The following SLC2A14 variants were observed in gnomAD, a reference collection of about 807,000 sequenced individuals.
SLC2A14 encodes solute carrier family 2 member 14.
Under a neutral mutation model 43.0 loss-of-function variants are expected in SLC2A14, and 13 were observed. That is an observed-to-expected ratio of 0.30 (90% CI 0.20 to 0.48). SLC2A14 has a LOEUF of 0.48. SLC2A14 is among the 20% of genes least tolerant of loss of function. The probability of loss-of-function intolerance (pLI) is 0.99; values close to 1 mark genes in which losing one functional copy is unlikely to be tolerated. For missense variants in SLC2A14, 428 were observed against 620.4 expected (o/e 0.69, Z 3.29); for synonymous variants, 190 against 233.8 (o/e 0.81, Z 1.71).
At chr12:7,881,089 A>AG in intron 1 of SLC2A14, among the ~76,000 whole-genome samples, 1 of 152,142 alleles carries the variant, frequency 6.6e-6, no homozygotes, top group Non-Finnish European at 1.5e-5. Context: ...CAGTAAGCCG[A>AG]AATCGCACTG....
In SLC2A14 at chr12:7,872,752, G is replaced by GC. The variant is rs893144326; in HGVS notation, c.-58+54dup. On this transcript the variant is annotated intron_variant, in intron 1 of 10. Coordinates refer to ENST00000431042, the MANE Select transcript of SLC2A14 (RefSeq NM_001286234.2). ...CTCTAGCTCGGCCACCTCTACCCCA[G>GC]CTCAGGTCCTCATTCCCGCACCCCC... The GC allele has an allele frequency of 3.8e-5, 37 of 984,536 alleles. No homozygotes were observed. In the African/African-American group the frequency reaches 6.5e-4, roughly 17 times the overall value. 61.0% of individuals were successfully genotyped at this position (984,536 alleles called of 1,614,324 possible).
At chr12:7,884,068 C>T (rs1452832280) in intron 1 of SLC2A14, among the ~76,000 whole-genome samples, 4 of 150,568 alleles carry the variant, frequency 2.7e-5, no homozygotes, top group East Asian at 1.9e-4. Flanking sequence ...GGACTACAGG[C>T]GCCTGCCACC....
In SLC2A14 at chr12:7,842,724, T is replaced by C. The variant is rs1029711035; in HGVS notation, c.19-9910A>G. On this transcript the variant is annotated intron_variant, in intron 2 of 10. Coordinates refer to ENST00000431042, the MANE Select transcript of SLC2A14 (RefSeq NM_001286234.2). ...TCACATCTACTCTTTCTTTTTCTCT[T>C]TTTTTTTTTTTTGTTTTTTTTGTGA... Among the ~76,000 whole-genome samples, 41 of 106,680 alleles carry C rather than the reference T, an allele frequency of 3.8e-4. 1 individual carries two copies. The highest frequency in any genetic ancestry group is 1.4e-3 in the African/African-American group (39 of 28,830). 70.0% of individuals were successfully genotyped at this position (106,680 alleles called of 152,430 possible). A position where few individuals can be genotyped will look rare whatever the true frequency, so the allele number is the denominator to read the frequency against.
At chr12:7,849,987 A>G (rs1866790589) in intron 2 of SLC2A14, among the ~76,000 whole-genome samples, 1 of 151,772 alleles carries the variant, frequency 6.6e-6, no homozygotes, top group South Asian at 2.1e-4. Context: ...CCCTGACCTC[A>G]AAAGTTACAA....
chr12:7,878,418 C>G (rs2121098624), upstream of SLC2A14, among the ~76,000 whole-genome samples: 1 of 151,962 alleles, frequency 6.6e-6, no homozygotes, highest in Non-Finnish European at 1.5e-5. Flanking sequence ...ATCACCATGC[C>G]TAGCGAATTT....
chr12:7,883,593 T>TC (rs1945631947), intron 1 of SLC2A14, among the ~76,000 whole-genome samples: 6 of 90,378 alleles, frequency 6.6e-5, no homozygotes, highest in Non-Finnish European at 9.5e-5. Flanking sequence ...TTCTTTTCTT[T>TC]TTTTTTTTTT....
At chr12:7,887,613 T>TAGATAGA in intron 1 of SLC2A14, among the ~76,000 whole-genome samples, 1 of 86,548 alleles carries the variant, frequency 1.2e-5, no homozygotes, top group East Asian at 4.1e-4. Flanking sequence ...AGATAGATAG[T>TAGATAGA]TAGATAGATA....
rs200599889 is a variant in SLC2A14, at chr12:7,826,955, T to TTCTCTC, written c.864+534_864+539dup. Reference sequence around the variant, plus strand: ...CCTTTCCTTTCCTTTCTTTCCTTTCTTCTCTCTCTTTCTCTCTCTCTTTCT... The same window carrying TTCTCTC: ...CCTTTCCTTTCCTTTCTTTCCTTTCTTCTCTCTCTCTCTCTTTCTCTCTCTCTTTCT... On this transcript the variant is annotated intron_variant, in intron 7 of 10. Transcript: ENST00000431042. Among the ~76,000 whole-genome samples, 12 of 120,976 alleles carry TTCTCTC rather than the reference T, an allele frequency of 9.9e-5. 1 individual carries two copies. Among genetic ancestry groups the TTCTCTC allele is most frequent in the African/African-American group, 3.9e-4 (12 of 30,976 alleles). 79.4% of individuals were successfully genotyped at this position (120,976 alleles called of 152,430 possible).
In SLC2A14 at chr12:7,867,292, A is replaced by C. The variant is rs57876990; in HGVS notation, c.18+2571T>G. On this transcript the variant is annotated intron_variant, in intron 2 of 10. Coordinates refer to ENST00000431042, the MANE Select transcript of SLC2A14 (RefSeq NM_001286234.2). ...GGAGACTCCGTCTCAAAAAAAAAAA[A>C]AAAAAAAACAAAAAAAACATTCGTG... Among the ~76,000 whole-genome samples, 13 of 124,566 alleles carry C rather than the reference A, an allele frequency of 1.0e-4. 1 individual carries two copies. Among genetic ancestry groups the C allele is most frequent in the East Asian group, 9.9e-4 (4 of 4,060 alleles). The allele number at this position is 124,566 out of a possible 152,430, so 81.7% of individuals were successfully genotyped here.
chr12:7,883,875 G>C (rs912715477), intron 1 of SLC2A14, among the ~76,000 whole-genome samples: 1 of 151,412 alleles, frequency 6.6e-6, no homozygotes, highest in Non-Finnish European at 1.5e-5. Flanking sequence ...GAGCCACCAC[G>C]CCTGGCCCAC....
In SLC2A14 at chr12:7,864,099, A is replaced by G. The variant is rs1004898125; in HGVS notation, c.18+5764T>C. Among the ~76,000 whole-genome samples the G allele has an allele frequency of 6.6e-4, 101 of 152,076 alleles. 2 individuals carry two copies. The highest frequency in any genetic ancestry group is 1.0e-3 in the Non-Finnish European group (70 of 67,942). ...ACAAAGTGCTGGGATTACAGGTGTC[A>G]GCCCCCGCGCCCGGCCACCACATTG... On this transcript the variant is annotated intron_variant, in intron 2 of 10. Coordinates refer to ENST00000431042, the MANE Select transcript of SLC2A14 (RefSeq NM_001286234.2).
At chr12:7,839,714 G>A (rs1865762973) in intron 2 of SLC2A14, 2 of 388,122 alleles carry the variant, frequency 5.2e-6, no homozygotes, top group Non-Finnish European at 5.0e-6. Context: ...TAAGAGGCAG[G>A]ACCTTTTGGG....
In SLC2A14 at chr12:7,831,630, G is replaced by C; in HGVS notation, c.246C>G (p.Val82=). ...SVGGMIGSFS[V]GLFVNRFGRR... ...TGCCAAAGCGGTTAACAAAGAGTCC[G>C]ACGGAAAAGGAGCCGATCATACCCC... is the stretch of plus-strand genomic sequence containing the variant. The change falls in exon 4 of 11, where the codon GTC becomes GTG. Residue 82 remains valine (V), a synonymous_variant. Transcript: ENST00000431042. 6.2e-7 allele frequency: 1 copy of C among 1,614,116 alleles called. No individual in the cohort carries two copies. The highest frequency in any genetic ancestry group is 1.7e-5 in the Admixed American group (1 of 60,006).
upstream of SLC2A14, chr12:7,873,093 C>G (rs1266673002): frequency 1.0e-6 from 1 of 985,436 alleles, no homozygotes; most frequent in Non-Finnish European, 1.2e-6. Flanking sequence ...GCGCACCGCA[C>G]GGTCCAGCCC....
At chr12:7,890,928 T>G in intron 1 of SLC2A14, 1 of 1,472,114 alleles carries the variant, frequency 6.8e-7, no homozygotes, top group Admixed American at 2.2e-5. Flanking sequence ...AGTTTTTCCC[T>G]TTTTTAAAGA....
At chr12:7,818,416 T>A (rs1317552662) in intron 9 of SLC2A14, among the ~76,000 whole-genome samples, 1 of 152,196 alleles carries the variant, frequency 6.6e-6, no homozygotes, top group Non-Finnish European at 1.5e-5. Context: ...GTCCCAGCAC[T>A]TTGGGAGGGT....
intron 5 of SLC2A14, 65 bp from the exon 6 acceptor site, chr12:7,828,931 A>G: frequency 2.5e-6 from 4 of 1,571,560 alleles, no homozygotes; most frequent in Non-Finnish European, 3.5e-6. Context: ...TCATTGAAAC[A>G]CAAAAAGTTG....
chr12:7,877,583 G>A (rs765642158), upstream of SLC2A14, among the ~76,000 whole-genome samples: 13 of 151,534 alleles, frequency 8.6e-5, no homozygotes, highest in East Asian at 2.0e-3. Context: ...AGGGCATCAC[G>A]TCCAGCTAAT....
At chr12:7,859,063 C>T (rs1048474034) in intron 2 of SLC2A14, among the ~76,000 whole-genome samples, 2 of 152,046 alleles carry the variant, frequency 1.3e-5, no homozygotes, top group African/African-American at 4.8e-5. Context: ...TATTCTTTCC[C>T]CCATTGAATA....
Sources: gnomAD v4.1 joint callset for allele counts (sites outside exome capture counted in the v4.1 genomes callset) on GRCh38, gnomAD v4.1.1 for gene constraint, MANE v1.5 for transcripts, NCBI Gene and HGNC (gene_info 2026-07-23, HGNC 2026-07-21) for gene names.